ZNF705A: variants seen among roughly 807,000 people sequenced by gnomAD.
ZNF705A encodes the protein zinc finger protein 705A.
Under a neutral mutation model 16.6 loss-of-function variants are expected in ZNF705A, and 8 were observed. That is an observed-to-expected ratio of 0.48 (90% CI 0.28 to 0.87). ZNF705A has a LOEUF of 0.87. Among genes scored for constraint, ZNF705A ranks in the 40% least tolerant of loss-of-function variants. ZNF705A has a pLI of 0.10. For synonymous variants in ZNF705A, 73 were observed against 117.3 expected, an observed-to-expected ratio of 0.62 and a Z score of 2.44; for missense variants, 233 against 359.9, an observed-to-expected ratio of 0.65 and a Z score of 2.85.
At chr12:8,173,461 C>G (rs774479076) in intron 1 of ZNF705A, among the ~76,000 whole-genome samples, 1 of 152,026 alleles carries the variant, frequency 6.6e-6, no homozygotes, top group Non-Finnish European at 1.5e-5. Context: ...AATCTTTGAA[C>G]AAGTGAAGTG....
At chr12:8,171,337 CCT>C (rs1386809149), upstream of ZNF705A, among the ~76,000 whole-genome samples, 2 of 151,978 alleles carry the variant, frequency 1.3e-5, no homozygotes, top group African/African-American at 4.8e-5. Context: ...CATGTTTCCC[CCT>C]GTCTCAAACA....
At chr12:8,162,695 G>A (rs1010437436) in intron 1 of ZNF705A, among the ~76,000 whole-genome samples, 1 of 152,126 alleles carries the variant, frequency 6.6e-6, no homozygotes, top group African/African-American at 2.4e-5. Context: ...AGGAGTCAAA[G>A]AAAGCCACAA....
chr12:8,171,646 C>G (rs1423529654), upstream of ZNF705A, among the ~76,000 whole-genome samples: 1 of 152,194 alleles, frequency 6.6e-6, no homozygotes, highest in Non-Finnish European at 1.5e-5. Context: ...CTGCTAATTT[C>G]TGATGCAGGA....
Position 8,175,401 on chromosome 12 carries a change from GT to G in ZNF705A, c.235+82del, listed in dbSNP as rs1376886085. The G allele has an allele frequency of 3.6e-6, 4 of 1,100,698 alleles. No individual in the cohort carries two copies. In the African/African-American group the frequency reaches 6.2e-5, roughly 17 times the overall value. 68.2% of individuals were successfully genotyped at this position (1,100,698 alleles called of 1,614,324 possible). ...AATATCAGTTGAATATTAATTAGTG[GT>G]TTTATTAAATGAGTGATAATTTCTA... On this transcript the variant is annotated intron_variant, in intron 3 of 4. Transcript: ENST00000359286.
At chr12:8,174,543 A>T (rs1368734315) in intron 2 of ZNF705A, 91 bp downstream of exon 3, 1 of 1,591,906 alleles carries the variant, frequency 6.3e-7, no homozygotes, top group Non-Finnish European at 8.5e-7. Flanking sequence ...ATCTCACTCT[A>T]ATCTCTTCTC....
At chr12:8,174,714 C>T (rs1333400344) in intron 2 of ZNF705A, among the ~76,000 whole-genome samples, 1 of 152,172 alleles carries the variant, frequency 6.6e-6, no homozygotes, top group African/African-American at 2.4e-5. Flanking sequence ...CTCTAATACT[C>T]ATAACAGACC....
At chr12:8,174,237 C>T (rs1477526410) in intron 1 of ZNF705A, 89 bp from the exon 3 acceptor site, 2 of 1,595,852 alleles carry the variant, frequency 1.3e-6, no homozygotes, top group Non-Finnish European at 1.7e-6. Flanking sequence ...TTCTGCATAC[C>T]CAGCTCCTAG....
chr12:8,165,827 C>T (rs2120707536), intron 1 of ZNF705A, among the ~76,000 whole-genome samples: 1 of 152,228 alleles, frequency 6.6e-6, no homozygotes, highest in African/African-American at 2.4e-5. Context: ...CCAGCTTCAT[C>T]TATGTTGGTG....
chr12:8,165,441 C>A (rs369752241), intron 1 of ZNF705A, among the ~76,000 whole-genome samples: 3 of 141,424 alleles, frequency 2.1e-5, no homozygotes, highest in African/African-American at 8.0e-5. Context: ...TGCCACCACG[C>A]CCAGCTAAAT....
chr12:8,178,746 A>G (rs1210434551), exon 5 of ZNF705A: 1 of 152,276 alleles, frequency 6.6e-6, no homozygotes, highest in African/African-American at 2.4e-5. Context: ...TTGAAAGAAT[A>G]CAATCTGTTG....
chr12:8,179,782 A>T (rs1325224901), exon 5 of ZNF705A: 8 of 152,170 alleles, frequency 5.3e-5, no homozygotes, highest in Non-Finnish European at 8.8e-5. Context: ...ATTTAATTAA[A>T]TATGTAATTT....
At chr12:8,175,676 T>A (rs1210250302) in intron 3 of ZNF705A, among the ~76,000 whole-genome samples, 184 bp from the exon 5 acceptor site, 1 of 152,208 alleles carries the variant, frequency 6.6e-6, no homozygotes, top group African/African-American at 2.4e-5. Context: ...ATTTTAATTT[T>A]AAAAATCTTT....
intron 1 of ZNF705A, among the ~76,000 whole-genome samples, chr12:8,173,367 T>C (rs925284431): frequency 1.7e-4 from 26 of 152,214 alleles, no homozygotes; most frequent in Non-Finnish European, 3.4e-4. Flanking sequence ...GAAGAAGGAA[T>C]ATAGTAGATA....
At chr12:8,160,737 A>G (rs1049106921) in intron 1 of ZNF705A, among the ~76,000 whole-genome samples, 4 of 152,172 alleles carry the variant, frequency 2.6e-5, no homozygotes, top group African/African-American at 7.2e-5. Context: ...AGGAATCGTC[A>G]GGGTTTTCGA....
chr12:8,175,167 T>G, intron 2 of ZNF705A, 61 bp from the exon 4 acceptor site: 1 of 801,600 alleles, frequency 1.2e-6, no homozygotes, highest in Non-Finnish European at 2.0e-6. Flanking sequence ...GCCTTACACT[T>G]GGTGATAATG....
intron 1 of ZNF705A, 103 bp from the exon 3 acceptor site, chr12:8,174,223 A>G: frequency 6.3e-7 from 1 of 1,593,052 alleles, no homozygotes; most frequent in Non-Finnish European, 8.5e-7. Context: ...CAAAACACTG[A>G]GTATTCTGCA....
At chr12:8,159,775 G>T (rs1265312607) in intron 1 of ZNF705A, among the ~76,000 whole-genome samples, 1 of 151,972 alleles carries the variant, frequency 6.6e-6, no homozygotes, top group African/African-American at 2.4e-5. Context: ...CAGTCTCCGG[G>T]CTGTTTACTC....
At chr12:8,161,695 C>T (rs1948356932) in intron 1 of ZNF705A, among the ~76,000 whole-genome samples, 1 of 152,112 alleles carries the variant, frequency 6.6e-6, no homozygotes, top group Non-Finnish European at 1.5e-5. Context: ...TTAGTAACTG[C>T]CCCTGTCCTA....
At chr12:8,164,244 C>T (rs1296869710) in intron 1 of ZNF705A, among the ~76,000 whole-genome samples, 1 of 152,134 alleles carries the variant, frequency 6.6e-6, no homozygotes, top group African/African-American at 2.4e-5. Context: ...ACCCATTTCC[C>T]CAGCACCAGG....
Sources: gnomAD v4.1 joint callset for allele counts (sites outside exome capture counted in the v4.1 genomes callset) on GRCh38, gnomAD v4.1.1 for gene constraint, MANE v1.5 for transcripts, NCBI Gene and HGNC (gene_info 2026-07-23, HGNC 2026-07-21) for gene names.